ICA1: variants seen among roughly 807,000 people sequenced by gnomAD.
The protein encoded by ICA1 is islet cell autoantigen 1.
ICA1 carries 40 observed loss-of-function variants against 71.0 expected under a neutral mutation model. That is an observed-to-expected ratio of 0.56 (90% CI 0.44 to 0.73). ICA1 has a LOEUF of 0.73. Ranked by LOEUF, ICA1 falls within the 30% of genes least tolerant of loss-of-function variation. The probability of loss-of-function intolerance (pLI) is 0.00; values close to 1 mark genes in which losing one functional copy is unlikely to be tolerated. For synonymous variants in ICA1, 207 were observed against 209.5 expected, an observed-to-expected ratio of 0.99 and a Z score of 0.10; for missense variants, 578 against 576.5, an observed-to-expected ratio of 1.00 and a Z score of -0.03.
At chr7:8,227,753 G>T in intron 4 of ICA1, 1 of 407,828 alleles carries the variant, frequency 2.5e-6, no homozygotes, top group South Asian at 1.7e-5. Flanking sequence ...ATTTTTAAGT[G>T]TTTTTATTTT....
intron 12 of ICA1, among the ~76,000 whole-genome samples, chr7:8,133,156 G>A (rs1201651552): frequency 6.6e-6 from 1 of 152,128 alleles, no homozygotes; most frequent in Non-Finnish European, 1.5e-5. Context: ...AGACCTGAGG[G>A]AGCACATTCG....
chr7:8,206,008 C>G (rs1274750099), intron 6 of ICA1, among the ~76,000 whole-genome samples: 4 of 152,102 alleles, frequency 2.6e-5, no homozygotes, highest in Admixed American at 2.0e-4. Context: ...CCTCTCTCCC[C>G]CTCCCCCTTC....
intron 1 of ICA1, among the ~76,000 whole-genome samples, chr7:8,240,761 C>A (rs542314014): frequency 6.6e-6 from 1 of 152,102 alleles, no homozygotes; most frequent in South Asian, 2.1e-4. Flanking sequence ...AACTACGTGA[C>A]GCATTTACAA....
intron 13 of ICA1, among the ~76,000 whole-genome samples, chr7:8,116,870 C>T (rs1348488496): frequency 6.6e-6 from 1 of 152,080 alleles, no homozygotes; most frequent in African/African-American, 2.4e-5. Context: ...GGAAAGAAAT[C>T]CCTCGTTAAC....
chr7:8,193,277 G>C (rs1164914013), intron 6 of ICA1, among the ~76,000 whole-genome samples: 1 of 152,160 alleles, frequency 6.6e-6, no homozygotes, highest in Non-Finnish European at 1.5e-5. Context: ...ATGCATGCAT[G>C]TATGTGTGTA....
chr7:8,225,905 T>C (rs1376297689), intron 4 of ICA1, among the ~76,000 whole-genome samples: 1 of 152,168 alleles, frequency 6.6e-6, no homozygotes, highest in African/African-American at 2.4e-5. Context: ...CATATTCCTA[T>C]AAGAAACAAA....
At chr7:8,207,732 C>A (rs1792108384) in intron 6 of ICA1, among the ~76,000 whole-genome samples, 1 of 152,210 alleles carries the variant, frequency 6.6e-6, no homozygotes, top group African/African-American at 2.4e-5. Context: ...TCCATTTCCT[C>A]ATTTCCCTGT....
chr7:8,129,201 A>G (rs1373488152), intron 12 of ICA1, among the ~76,000 whole-genome samples: 3 of 152,182 alleles, frequency 2.0e-5, no homozygotes, highest in Admixed American at 1.3e-4. Context: ...GGTGGTATCT[A>G]ACTGCCACTT....
intron 5 of ICA1, 177 bp from the exon 6 acceptor site, chr7:8,218,680 C>T: frequency 1.6e-6 from 1 of 628,460 alleles, no homozygotes; most frequent in Non-Finnish European, 2.8e-6. Context: ...GATTAGTCAG[C>T]CAGAGAAGAT....
intron 6 of ICA1, among the ~76,000 whole-genome samples, chr7:8,161,533 A>T (rs1195882147): frequency 6.6e-6 from 1 of 152,220 alleles, no homozygotes; most frequent in East Asian, 1.9e-4. Flanking sequence ...AACAAATGTA[A>T]TGAAACTGTA....
Position 8,220,698 on chromosome 7 carries a change from C to T in ICA1, c.380+577G>A, listed in dbSNP as rs17145598. On this transcript the variant is annotated intron_variant, in intron 5 of 13. Transcript: ENST00000402384. ...TACCACAATTTTCCCTGTACCAGAGCTTCGCAAACTTGAATTTACATCAAA... is the reference window on the plus strand; with the variant it reads ...TACCACAATTTTCCCTGTACCAGAGTTTCGCAAACTTGAATTTACATCAAA... Among the ~76,000 whole-genome samples, 1,420 of 152,256 alleles carry T rather than the reference C, an allele frequency of 9.3e-3. 27 individuals carry two copies. The highest frequency in any genetic ancestry group is 0.057 in the East Asian group (294 of 5,182).
intron 6 of ICA1, among the ~76,000 whole-genome samples, chr7:8,176,956 C>A (rs1034345066): frequency 2.6e-4 from 40 of 152,328 alleles, no homozygotes; most frequent in African/African-American, 9.6e-4. Context: ...AACCACTTTA[C>A]CTCCTCAATT....
At chr7:8,150,807 T>A (rs2128159133) in intron 8 of ICA1, among the ~76,000 whole-genome samples, 1 of 152,356 alleles carries the variant, frequency 6.6e-6, no homozygotes. Context: ...CTGTATTTTT[T>A]AAAGGTGGCA....
intron 6 of ICA1, among the ~76,000 whole-genome samples, chr7:8,187,333 G>A (rs946652596): frequency 9.2e-5 from 14 of 152,166 alleles, no homozygotes; most frequent in African/African-American, 3.4e-4. Flanking sequence ...ACAATGATAA[G>A]TGTTTGTGTA....
At chr7:8,117,252 C>A (rs1252262885) in intron 13 of ICA1, among the ~76,000 whole-genome samples, 3 of 152,156 alleles carry the variant, frequency 2.0e-5, no homozygotes, top group Non-Finnish European at 2.9e-5. Flanking sequence ...CAGTCTTGGG[C>A]AGTTCTTTAT....
intron 6 of ICA1, among the ~76,000 whole-genome samples, chr7:8,163,666 AG>A (rs1242433024): frequency 6.6e-6 from 1 of 152,236 alleles, no homozygotes; most frequent in East Asian, 1.9e-4. Flanking sequence ...CTGAAGGACT[AG>A]CATGATTAAC....
intron 3 of ICA1, 139 bp from the exon 4 acceptor site, chr7:8,228,812 T>A (rs1799415086): frequency 2.0e-6 from 1 of 491,944 alleles, no homozygotes; most frequent in Non-Finnish European, 3.6e-6. Flanking sequence ...TTATGCGGTG[T>A]ACTATACAGA....
chr7:8,166,433 T>TA (rs1363848565), intron 6 of ICA1, among the ~76,000 whole-genome samples: 4 of 152,148 alleles, frequency 2.6e-5, no homozygotes, highest in Non-Finnish European at 5.9e-5. Flanking sequence ...GGATAACTGC[T>TA]AGGCATATGC....
intron 8 of ICA1, among the ~76,000 whole-genome samples, chr7:8,156,354 C>G (rs1025598868): frequency 6.6e-6 from 1 of 152,226 alleles, no homozygotes; most frequent in Non-Finnish European, 1.5e-5. Flanking sequence ...TGAACTTTAG[C>G]TAGTTCATGC....
Sources: gnomAD v4.1 joint callset for allele counts (sites outside exome capture counted in the v4.1 genomes callset) on GRCh38, gnomAD v4.1.1 for gene constraint, MANE v1.5 for transcripts, NCBI Gene and HGNC (gene_info 2026-07-23, HGNC 2026-07-21) for gene names.